Variants in CORO2B observed in about 807,000 individuals in gnomAD.
CORO2B encodes the protein coronin 2B, also known as coronin-2B.
A neutral mutation model predicts 58.8 loss-of-function variants in CORO2B; 26 were observed. That is an observed-to-expected ratio of 0.44 (90% CI 0.32 to 0.61). The LOEUF is 0.61. Among genes scored for constraint, CORO2B ranks in the 20% least tolerant of loss-of-function variants. The pLI is 0.04. For synonymous variants in CORO2B, 242 were observed against 253.8 expected (o/e 0.95, Z 0.44); for missense variants, 460 against 645.1 (o/e 0.71, Z 3.11).
chr15:68,686,886 C>G (rs990187185), intron 2 of CORO2B, among the ~76,000 whole-genome samples: 2 of 148,138 alleles, frequency 1.4e-5, no homozygotes, highest in Non-Finnish European at 3.0e-5. Context: ...GCAACAAGAG[C>G]GAAACTCCGT....
intron 1 of CORO2B, chr15:68,641,515 G>A (rs1901227634): frequency 4.1e-6 from 4 of 985,258 alleles, no homozygotes; most frequent in Admixed American, 6.1e-5. Flanking sequence ...GGGTGGACGA[G>A]GAAGAGGTGA....
At chr15:68,616,713 C>A in intron 1 of CORO2B, 2 of 749,468 alleles carry the variant, frequency 2.7e-6, no homozygotes, top group Non-Finnish European at 3.3e-6. Flanking sequence ...TTATCAAGGG[C>A]CCCGAGAGCT....
chr15:68,679,889 G>C (rs1902718059), intron 2 of CORO2B, among the ~76,000 whole-genome samples: 1 of 152,226 alleles, frequency 6.6e-6, no homozygotes, highest in African/African-American at 2.4e-5. Context: ...CGGAGGTGGT[G>C]CATCTCCTTC....
At chr15:68,590,053 A>G (rs1899662258) in intron 1 of CORO2B, among the ~76,000 whole-genome samples, 1 of 152,160 alleles carries the variant, frequency 6.6e-6, no homozygotes, top group African/African-American at 2.4e-5. Context: ...CTCTGAAACC[A>G]TGAGAAGGGC....
intron 2 of CORO2B, among the ~76,000 whole-genome samples, chr15:68,670,014 G>A (rs1032461915): frequency 6.7e-6 from 1 of 149,940 alleles, no homozygotes; most frequent in African/African-American, 2.5e-5. Context: ...CCAAGATCAT[G>A]CCACTGCACT....
rs188897210 is a variant in CORO2B at position 68,711,409 on chromosome 15, C to A, written c.484-133C>A. 2.9e-5 allele frequency: 19 copies of A among 666,336 alleles called. No homozygotes were observed. In the East Asian group the frequency reaches 4.8e-4, roughly 17 times the overall value. 41.3% of individuals were successfully genotyped at this position (666,336 alleles called of 1,614,324 possible). A position where few individuals can be genotyped will look rare whatever the true frequency, so the allele number is the denominator to read the frequency against. ...CCTTTCCATATAGAACTCAATGACC[C>A]CCTCCTGCACCCCAGCACACCCCAG... On this transcript the variant is annotated intron_variant, in intron 4 of 11. Coordinates refer to ENST00000261861, the MANE Select transcript of CORO2B (RefSeq NM_006091.5).
intron 7 of CORO2B, 22 bp from the exon 8 acceptor site, chr15:68,715,193 A>G (rs563695362): frequency 1.2e-6 from 2 of 1,608,272 alleles, no homozygotes; most frequent in Admixed American, 1.7e-5. Flanking sequence ...ACCTTCCTCA[A>G]CTCCATCTCT....
chr15:68,705,906 TCA>T (rs1892773202), intron 3 of CORO2B, among the ~76,000 whole-genome samples: 1 of 152,176 alleles, frequency 6.6e-6, no homozygotes, highest in African/African-American at 2.4e-5. Context: ...ACTGGCTTGT[TCA>T]CAGTCACTCA....
At chr15:68,558,968 G>A in the CORO2B span, among the ~76,000 whole-genome samples, 2 of 152,040 alleles carry the variant, frequency 1.3e-5, no homozygotes, top group Non-Finnish European at 2.9e-5. Flanking sequence ...CGCCGGCCAC[G>A]CAGGAATGAG....
At chr15:68,603,609 C>T (rs143494606) in intron 1 of CORO2B, among the ~76,000 whole-genome samples, 1,745 of 152,102 alleles carry the variant, frequency 0.011, 20 homozygotes, top group Middle Eastern at 0.017. Context: ...TAAATGAGGT[C>T]ATAAAGGCAG....
chr15:68,638,186 C>G (rs1286315240), intron 1 of CORO2B, among the ~76,000 whole-genome samples: 2 of 152,154 alleles, frequency 1.3e-5, no homozygotes, highest in African/African-American at 4.8e-5. Flanking sequence ...ACCTCTCCCT[C>G]CCTCCTCCTG....
chr15:68,544,927 C>G, the CORO2B span, among the ~76,000 whole-genome samples: 1 of 152,192 alleles, frequency 6.6e-6, no homozygotes, highest in Non-Finnish European at 1.5e-5. Flanking sequence ...CAGGCGCCCA[C>G]CATCATGCCC....
At chr15:68,618,817 T>C (rs1421424409) in intron 1 of CORO2B, among the ~76,000 whole-genome samples, 3 of 152,222 alleles carry the variant, frequency 2.0e-5, no homozygotes, top group Admixed American at 6.5e-5. Context: ...TTCCTAGACA[T>C]GTGCCCCTAA....
Position 68,707,109 on chromosome 15 carries a change from C to T in CORO2B, c.334-3623C>T, listed in dbSNP as rs77883606. On this transcript the variant is annotated intron_variant, in intron 3 of 11. Transcript: ENST00000261861. ...CTGAGTAGCTGGGATTACAAGCGCG[C>T]GCCACCACGCCCAGCTGCCGCCTAG... 2.9e-3 allele frequency among the ~76,000 whole-genome samples: 436 copies of T among 152,228 alleles called. 11 individuals carry two copies. In the East Asian group the frequency reaches 0.074, roughly 26 times the overall value.
chr15:68,640,879 A>G lies in CORO2B; in HGVS notation c.16-4281A>G, dbSNP rs1247596833. 2.0e-5 allele frequency among the ~76,000 whole-genome samples: 3 copies of G among 152,240 alleles called. No homozygotes were observed. In the East Asian group the frequency reaches 5.8e-4, roughly 29 times the overall value. ...AGGAGGAGCAACTGGTGCTTGGAGC[A>G]GCAAAGTGTCTTTCCCAAGGTCAGT... On this transcript the variant is annotated intron_variant, in intron 1 of 11. Transcript: ENST00000261861.
intron 2 of CORO2B, among the ~76,000 whole-genome samples, chr15:68,648,329 C>T (rs1342568099): frequency 1.0e-5 from 1 of 98,028 alleles, no homozygotes; most frequent in African/African-American, 4.8e-5. Context: ...AAGATTCCAG[C>T]TAAAAAAAAA....
At chr15:68,582,391 A>G (rs1392767354) in intron 1 of CORO2B, among the ~76,000 whole-genome samples, 1 of 152,210 alleles carries the variant, frequency 6.6e-6, no homozygotes, top group Non-Finnish European at 1.5e-5. Context: ...GAGCATGCAC[A>G]GGAGGTCAAG....
chr15:68,567,581 G>T, the CORO2B span, among the ~76,000 whole-genome samples: 2 of 152,168 alleles, frequency 1.3e-5, no homozygotes, highest in Non-Finnish European at 2.9e-5. Context: ...AATGTATAGG[G>T]CTTGCTGCCT....
chr15:68,585,813 G>T (rs1899540077), intron 1 of CORO2B, among the ~76,000 whole-genome samples: 1 of 152,194 alleles, frequency 6.6e-6, no homozygotes, highest in Non-Finnish European at 1.5e-5. Flanking sequence ...ATGATTCGGG[G>T]AAGGGTGCTG....
Sources: gnomAD v4.1 joint callset for allele counts (sites outside exome capture counted in the v4.1 genomes callset) on GRCh38, gnomAD v4.1.1 for gene constraint, MANE v1.5 for transcripts, NCBI Gene and HGNC (gene_info 2026-07-23, HGNC 2026-07-21) for gene names.